The following PBRM1 variants were observed in gnomAD, a reference collection of about 807,000 sequenced individuals.
PBRM1 encodes the protein polybromo 1, also known as protein polybromo-1.
PBRM1 carries 27 observed loss-of-function variants against 194.5 expected under a neutral mutation model. That is an observed-to-expected ratio of 0.14 (90% CI 0.10 to 0.19). The LOEUF (loss-of-function observed/expected upper bound fraction) is 0.19, where lower values mean the gene tolerates loss of function less well. Ranked by LOEUF, PBRM1 falls within the 10% of genes least tolerant of loss-of-function variation. PBRM1 has a pLI of 1.00. For synonymous variants in PBRM1, 655 were observed against 693.2 expected (o/e 0.94, Z 0.87); for missense variants, 1,466 against 2,077.2 (o/e 0.71, Z 5.72).
intron 15 of PBRM1, among the ~76,000 whole-genome samples, chr3:52,613,000 T>C (rs1295201918): frequency 6.6e-6 from 1 of 152,092 alleles, no homozygotes; most frequent in African/African-American, 2.4e-5. Flanking sequence ...AATACATTTG[T>C]GAGACAATCA....
chr3:52,639,080 G>C (rs567030950), intron 10 of PBRM1, among the ~76,000 whole-genome samples: 1 of 151,714 alleles, frequency 6.6e-6, no homozygotes, highest in African/African-American at 2.4e-5. Flanking sequence ...CGCCTCCCGG[G>C]TTCAAGCAAT....
chr3:52,611,168 C>T (rs1251554260), intron 15 of PBRM1, among the ~76,000 whole-genome samples: 2 of 152,036 alleles, frequency 1.3e-5, no homozygotes, highest in Admixed American at 6.6e-5. Flanking sequence ...AGCCTTTATC[C>T]TTTCAAAAAG....
intron 11 of PBRM1, 22 bp from the exon 13 acceptor site, chr3:52,629,057 C>G (rs2153598450): frequency 6.4e-7 from 1 of 1,560,656 alleles, no homozygotes; most frequent in Non-Finnish European, 8.7e-7. Flanking sequence ...AAAGAAATTG[C>G]TAGAATTTTC....
chr3:52,662,276 G>A (rs2096739444), exon 4 of PBRM1: 1 of 1,597,078 alleles, frequency 6.3e-7, no homozygotes, highest in South Asian at 1.1e-5. Flanking sequence ...GGAGAATCTG[G>A]CTGTATGTTA....
At chr3:52,619,999 C>G (rs2095196375) in intron 13 of PBRM1, among the ~76,000 whole-genome samples, 1 of 152,154 alleles carries the variant, frequency 6.6e-6, no homozygotes, top group Admixed American at 6.5e-5. Flanking sequence ...TTTCTCCCCT[C>G]AGCACTTTTT....
At chr3:52,670,903 A>AT (rs2096933120) in intron 2 of PBRM1, among the ~76,000 whole-genome samples, 1 of 152,162 alleles carries the variant, frequency 6.6e-6, no homozygotes, top group Non-Finnish European at 1.5e-5. Flanking sequence ...TAAAGACCAT[A>AT]TTTATTCTCC....
chr3:52,606,593 G>T (rs754804366), intron 16 of PBRM1, among the ~76,000 whole-genome samples: 5 of 152,124 alleles, frequency 3.3e-5, no homozygotes, highest in Non-Finnish European at 4.4e-5. Context: ...GCATTATAAA[G>T]AATTTATTAG....
chr3:52,683,628 A>T (rs912334300), upstream of PBRM1, among the ~76,000 whole-genome samples: 14 of 152,086 alleles, frequency 9.2e-5, no homozygotes, highest in Non-Finnish European at 1.5e-4. Flanking sequence ...AGCCTGGCCA[A>T]CACGGTGAAA....
intron 5 of PBRM1, among the ~76,000 whole-genome samples, chr3:52,657,147 A>C (rs2096622250): frequency 6.6e-6 from 1 of 152,162 alleles, no homozygotes; most frequent in Non-Finnish European, 1.5e-5. Flanking sequence ...CTGGGAGAAG[A>C]GGGGAGTGGA....
intron 2 of PBRM1, among the ~76,000 whole-genome samples, chr3:52,674,666 A>G (rs1019326215): frequency 2.1e-5 from 3 of 141,474 alleles, no homozygotes; most frequent in Non-Finnish European, 3.1e-5. Context: ...ATATATATAT[A>G]CACACACACA....
intron 14 of PBRM1, among the ~76,000 whole-genome samples, chr3:52,615,818 T>C (rs920480602): frequency 3.3e-5 from 5 of 152,228 alleles, no homozygotes; most frequent in Admixed American, 6.5e-5. Flanking sequence ...CTTAGCCCAA[T>C]AGAAATTAGA....
At chr3:52,654,395 T>C (rs1286574367) in intron 5 of PBRM1, among the ~76,000 whole-genome samples, 2 of 152,220 alleles carry the variant, frequency 1.3e-5, no homozygotes, top group African/African-American at 4.8e-5. Context: ...GGACAAATTA[T>C]GGCAAGGCCA....
At chr3:52,597,841 C>A (rs2093686916) in intron 17 of PBRM1, among the ~76,000 whole-genome samples, 1 of 152,050 alleles carries the variant, frequency 6.6e-6, no homozygotes, top group Admixed American at 6.6e-5. Context: ...GTAGCTGGGA[C>A]TATAGGCATG....
intron 22 of PBRM1, among the ~76,000 whole-genome samples, chr3:52,571,856 C>CAAA (rs58430288): frequency 0.023 from 841 of 36,358 alleles, 139 homozygotes; most frequent in African/African-American, 0.029. Context: ...CTCATCTCCC[C>CAAA]AAAAAAAAAA....
intron 27 of PBRM1, among the ~76,000 whole-genome samples, chr3:52,552,454 T>A (rs2081207361): frequency 6.6e-6 from 1 of 152,118 alleles, no homozygotes; most frequent in African/African-American, 2.4e-5. Flanking sequence ...CTTTTTTAAT[T>A]AAATAAAATA....
chr3:52,661,139 C>T (rs1260241743), intron 4 of PBRM1, among the ~76,000 whole-genome samples: 1 of 152,166 alleles, frequency 6.6e-6, no homozygotes, highest in Non-Finnish European at 1.5e-5. Flanking sequence ...GATTATCCTG[C>T]CTCAGCCTCC....
At chr3:52,624,804 G>T in intron 13 of PBRM1, 93 bp downstream of exon 15, 1 of 842,956 alleles carries the variant, frequency 1.2e-6, no homozygotes, top group Non-Finnish European at 2.0e-6. Context: ...TTTTTCACAT[G>T]CTTAAGGCTT....
intron 4 of PBRM1, 24 bp from the exon 6 acceptor site, chr3:52,658,339 C>G: frequency 8.0e-7 from 1 of 1,256,262 alleles, no homozygotes; most frequent in Admixed American, 1.7e-5. Flanking sequence ...GAAAAAAGTA[C>G]TTTCTAAGAG....
chr3:52,618,909 G>A (rs1024542404), intron 13 of PBRM1, among the ~76,000 whole-genome samples: 7 of 152,108 alleles, frequency 4.6e-5, no homozygotes, highest in African/African-American at 1.7e-4. Flanking sequence ...GCACCACCAC[G>A]CTTGGCTAAT....
Sources: allele counts gnomAD v4.1 joint callset (sites outside exome capture counted in the v4.1 genomes callset), GRCh38; gene constraint gnomAD v4.1.1; transcripts MANE v1.5; gene names NCBI Gene and HGNC (gene_info 2026-07-23, HGNC 2026-07-21).